Variants in WDHD1 observed in about 807,000 individuals in gnomAD.
WDHD1 encodes the protein WD repeat and HMG-box DNA-binding protein 1.
A neutral mutation model predicts 135.4 loss-of-function variants in WDHD1; 111 were observed. The ratio of observed to expected loss-of-function variants is 0.82; its 90% CI spans 0.70 to 0.96. The LOEUF (loss-of-function observed/expected upper bound fraction) is 0.96, where lower values mean the gene tolerates loss of function less well. Among genes scored for constraint, WDHD1 ranks in the 40% least tolerant of loss-of-function variants. WDHD1 has a pLI of 0.00. For synonymous variants in WDHD1, 434 were observed against 439.0 expected (o/e 0.99, Z 0.14); for missense variants, 1,351 against 1,336.3 (o/e 1.01, Z -0.17).
chr14:54,944,241 A>T, intron 25 of WDHD1, 91 bp downstream of exon 25: 1 of 1,539,414 alleles, frequency 6.5e-7, no homozygotes, highest in Non-Finnish European at 8.8e-7. Context: ...TACAGGCATA[A>T]GACACCATAC....
intron 14 of WDHD1, among the ~76,000 whole-genome samples, chr14:54,985,299 C>T (rs1341460600): frequency 6.6e-6 from 1 of 152,176 alleles, no homozygotes; most frequent in Non-Finnish European, 1.5e-5. Context: ...GAAGTGACCT[C>T]TCAGAAAGTA....
chr14:55,014,355 C>T (rs1293625814), intron 2 of WDHD1, among the ~76,000 whole-genome samples: 2 of 152,160 alleles, frequency 1.3e-5, no homozygotes, highest in East Asian at 3.9e-4. Context: ...CTCCCAAAGT[C>T]AAGGGATTAC....
intron 2 of WDHD1, among the ~76,000 whole-genome samples, chr14:55,020,491 CTT>C (rs2042328115): frequency 2.0e-5 from 3 of 152,202 alleles, no homozygotes. Flanking sequence ...GCTGGATCCT[CTT>C]TAACTTGATC....
At chr14:54,944,081 G>A (rs1288592876) in intron 25 of WDHD1, among the ~76,000 whole-genome samples, 1 of 151,648 alleles carries the variant, frequency 6.6e-6, no homozygotes, top group Non-Finnish European at 1.5e-5. Flanking sequence ...ACAGAAAAAG[G>A]CTTTTCCTTT....
chr14:55,008,227 G>A (rs537698592), intron 6 of WDHD1, 89 bp downstream of exon 6: 2 of 1,276,196 alleles, frequency 1.6e-6, no homozygotes, highest in East Asian at 2.5e-5. Context: ...CCAAAGAAAA[G>A]CAATTATTAA....
chr14:54,983,694 T>A (rs942034771), intron 15 of WDHD1, among the ~76,000 whole-genome samples: 10 of 149,742 alleles, frequency 6.7e-5, no homozygotes, highest in East Asian at 1.9e-4. Context: ...AAAAAAAAAA[T>A]TTTAAATAGA....
In WDHD1 at chr14:55,000,965, A is replaced by G. The variant is rs138559000; in HGVS notation, c.721T>C (p.Cys241Arg). The change falls in exon 9 of 26, where the codon TGT becomes CGT. Residue 241 changes from cysteine to arginine, a missense_variant. Physicochemically the swap from Cys to Arg is radical, Grantham distance 180. Coordinates refer to ENST00000360586, the MANE Select transcript of WDHD1 (RefSeq NM_007086.4). ...QTLNIVTWSP[C>R]GQYLAAGSIN... is the part of the protein sequence containing the mutation. Reference sequence around the variant, plus strand: ...CTACCTGCAGCTAAATATTGCCCACAGGGAGACCAGGTTACTATATTGAGG... The same window carrying G: ...CTACCTGCAGCTAAATATTGCCCACGGGGAGACCAGGTTACTATATTGAGG... 7.4e-5 allele frequency: 118 copies of G among 1,587,554 alleles called. No individual in the cohort carries two copies. Among genetic ancestry groups the G allele is most frequent in the Non-Finnish European group, 1.0e-4 (117 of 1,168,452 alleles).
At chr14:54,959,794 CCAAACAAAAAAAA>C (rs1281970528) in intron 21 of WDHD1, among the ~76,000 whole-genome samples, 2 of 151,522 alleles carry the variant, frequency 1.3e-5, no homozygotes, top group Admixed American at 6.6e-5. Context: ...ACCCCCCCCA[CCAAACAAAAAAAA>C]CAAACAAAAA....
In WDHD1 at chr14:55,002,065, A is replaced by G. The variant is rs759379364; in HGVS notation, c.693+28T>C. 28 of 1,514,298 alleles carry G rather than the reference A, an allele frequency of 1.8e-5. No homozygotes were observed. The South Asian group carries it at 3.1e-4, about 17-fold the overall frequency. The allele number at this position is 1,514,298 out of a possible 1,614,324, so 93.8% of individuals were successfully genotyped here. ...ACGCATTAACTGCTCCTTATAGCCC[A>G]CTGAAAGTGTCACTTTGTAAAACCT... is the stretch of plus-strand genomic sequence containing the variant. On this transcript the variant is annotated intron_variant, in intron 8 of 25. Transcript: ENST00000360586.
At chr14:55,011,974 T>G (rs1429384117) in intron 3 of WDHD1, among the ~76,000 whole-genome samples, 1 of 152,110 alleles carries the variant, frequency 6.6e-6, no homozygotes, top group Non-Finnish European at 1.5e-5. Context: ...CATTCTAATT[T>G]TAATACACGG....
At position 55,000,612 on chromosome 14, in the gene WDHD1, C is replaced by A; in HGVS notation, c.833G>T (p.Gly278Val). The A allele has an allele frequency of 6.3e-7, 1 of 1,597,908 alleles. No individual in the cohort carries two copies. The highest frequency in any genetic ancestry group is 1.1e-5 in the South Asian group (1 of 88,180). ...VKHEKGYAIC[G>V]LAWHPTCGRI... is the part of the protein sequence containing the mutation. ...ACCACAAGTAGGATGCCATGCCAGA[C>A]CACAAATTGCATAACCTTTCTCATG... The change falls in exon 10 of 26, where the codon GGT becomes GTT. Residue 278 changes from glycine to valine, a missense_variant. This residue lies in a region of WDHD1 where 1,330 missense variants were observed against 1,296.1 expected (regional missense o/e 1.03). Coordinates refer to ENST00000360586, the MANE Select transcript of WDHD1 (RefSeq NM_007086.4).
At chr14:54,954,891 G>C (rs2041126695) in intron 24 of WDHD1, among the ~76,000 whole-genome samples, 1 of 152,036 alleles carries the variant, frequency 6.6e-6, no homozygotes, top group Admixed American at 6.6e-5. Context: ...CACCAAGCCT[G>C]GCTAATTTTG....
At chr14:55,010,486 C>T (rs773088704) in intron 3 of WDHD1, 26 bp from the exon 4 acceptor site, 1 of 1,520,270 alleles carries the variant, frequency 6.6e-7, no homozygotes, top group East Asian at 2.4e-5. Context: ...AGGTAAGAAA[C>T]ATTAGCAAAA....
intron 25 of WDHD1, among the ~76,000 whole-genome samples, chr14:54,943,791 G>A (rs565217806): frequency 8.6e-5 from 13 of 151,610 alleles, no homozygotes; most frequent in East Asian, 1.9e-4. Context: ...ACAGTAAACC[G>A]TCAAAAAATT....
At chr14:54,964,631 T>C (rs2140170176) in intron 18 of WDHD1, among the ~76,000 whole-genome samples, 1 of 151,634 alleles carries the variant, frequency 6.6e-6, no homozygotes, top group African/African-American at 2.4e-5. Context: ...AGAGCGAGAC[T>C]TCGTTTCAAA....
At chr14:54,949,814 C>A (rs1412406629) in intron 24 of WDHD1, among the ~76,000 whole-genome samples, 1 of 152,174 alleles carries the variant, frequency 6.6e-6, no homozygotes, top group Non-Finnish European at 1.5e-5. Flanking sequence ...ACTCTATGAG[C>A]CAGAAGAGAG....
At chr14:54,962,602 C>T in intron 20 of WDHD1, 51 bp from the exon 21 acceptor site, 1 of 1,532,824 alleles carries the variant, frequency 6.5e-7, no homozygotes. Flanking sequence ...ATATAGTCAT[C>T]CTCAATATAC....
intron 16 of WDHD1, among the ~76,000 whole-genome samples, chr14:54,972,582 AAAAAAAAAT>A (rs1199381216): frequency 0.051 from 5,724 of 112,416 alleles, 939 homozygotes; most frequent in African/African-American, 0.11. Flanking sequence ...AAAAAAAAAA[AAAAAAAAAT>A]GCCAATGAGG....
chr14:55,002,200 AAAC>A lies in WDHD1; in HGVS notation c.601-18_601-16del. 1 of 1,510,436 alleles carries A rather than the reference AAAC, an allele frequency of 6.6e-7. No homozygotes were observed. The highest frequency in any genetic ancestry group is 1.2e-5 in the South Asian group (1 of 82,374). 93.6% of individuals were successfully genotyped at this position (1,510,436 alleles called of 1,614,324 possible). On this transcript the variant is annotated splice_polypyrimidine_tract_variant and intron_variant, in intron 7 of 25. Coordinates refer to ENST00000360586, the MANE Select transcript of WDHD1 (RefSeq NM_007086.4). Reference sequence around the variant, plus strand: ...ATTGCCAGTAACTATTAGAAAAGATAAACAACGTAAACAAAAGTTTACATTAAA... The same window carrying A: ...ATTGCCAGTAACTATTAGAAAAGATAAACGTAAACAAAAGTTTACATTAAA...
Sources: gnomAD v4.1 joint callset for allele counts (sites outside exome capture counted in the v4.1 genomes callset) on GRCh38, gnomAD v4.1.1 for gene constraint, gnomAD v4.1.1 regional missense constraint, MANE v1.5 for transcripts, NCBI Gene and HGNC (gene_info 2026-07-23, HGNC 2026-07-21) for gene names.